The following CCDC15 variants were observed in gnomAD, a reference collection of about 807,000 sequenced individuals.
The protein encoded by CCDC15 is coiled-coil domain containing 15.
Under a neutral mutation model 114.5 loss-of-function variants are expected in CCDC15, and 105 were observed. The ratio of observed to expected loss-of-function variants is 0.92; its 90% CI spans 0.78 to 1.08. The LOEUF (loss-of-function observed/expected upper bound fraction) is 1.08, where lower values mean the gene tolerates loss of function less well. Ranked by LOEUF, CCDC15 falls within the 50% of genes least tolerant of loss-of-function variation. The probability of loss-of-function intolerance (pLI) is 0.00; values close to 1 mark genes in which losing one functional copy is unlikely to be tolerated. For synonymous variants in CCDC15, 334 were observed against 377.8 expected, an observed-to-expected ratio of 0.88 and a Z score of 1.34; for missense variants, 1,105 against 1,093.6, an observed-to-expected ratio of 1.01 and a Z score of -0.15.
Position 124,987,779 on chromosome 11 carries a change from C to T in CCDC15, c.1553C>T (p.Pro518Leu), listed in dbSNP as rs781279286. The change falls in exon 8 of 16, where the codon CCC becomes CTC. Residue 518 changes from proline to leucine, a missense_variant. Coordinates refer to ENST00000344762, the MANE Select transcript of CCDC15 (RefSeq NM_025004.3). ...NFLSRDQHVL[P>L]KDQNILPKYQ... is the part of the protein sequence containing the mutation. ...TTGTCTAGAGACCAGCATGTTCTCC[C>T]CAAAGACCAGAATATTCTACCTAAA... 1.5e-5 allele frequency: 24 copies of T among 1,605,234 alleles called. No individual in the cohort carries two copies. Among genetic ancestry groups the T allele is most frequent in the Middle Eastern group, 1.7e-4 (1 of 6,054 alleles).
In CCDC15 at chr11:124,987,747, G is replaced by T. The variant is rs183310714; in HGVS notation, c.1521G>T (p.Gln507His). Residue 507 changes from glutamine (Q) to histidine (H), a missense_variant, in exon 8 of 16, where the codon CAG (glutamine) becomes CAT (histidine). Coordinates refer to ENST00000344762, the MANE Select transcript of CCDC15 (RefSeq NM_025004.3). ...ACCAGAATTTTCTACCTAAGGACCA[G>T]AATTTTTTGTCTAGAGACCAGCATG... ...YQDQNFLPKD[Q>H]NFLSRDQHVL... is the part of the protein sequence containing the mutation. 1 of 1,613,906 alleles carries T rather than the reference G, an allele frequency of 6.2e-7. No homozygotes were observed. Among genetic ancestry groups the T allele is most frequent in the South Asian group, 1.1e-5 (1 of 91,074 alleles).
chr11:124,997,669 T>C (rs1398029489), intron 11 of CCDC15, among the ~76,000 whole-genome samples: 1 of 152,158 alleles, frequency 6.6e-6, no homozygotes, highest in Non-Finnish European at 1.5e-5. Context: ...CAACTGGGCA[T>C]GGTGGCTCAT....
In CCDC15 at chr11:125,037,920, G is replaced by GTT. The variant is rs201886134; in HGVS notation, c.2412-498_2412-497dup. Among the ~76,000 whole-genome samples, 74 of 115,148 alleles carry GTT rather than the reference G, an allele frequency of 6.4e-4. 1 individual carries two copies. Among genetic ancestry groups the GTT allele is most frequent in the South Asian group, 2.1e-3 (8 of 3,890 alleles). 75.5% of individuals were successfully genotyped at this position (115,148 alleles called of 152,430 possible). A position where few individuals can be genotyped will look rare whatever the true frequency, so the allele number is the denominator to read the frequency against. ...TTTGCTACATTCTTACAGAAAAACT[G>GTT]TTTTTTTTTTTTTTGAGATATGGGG... On this transcript the variant is annotated intron_variant, in intron 13 of 15. Coordinates refer to ENST00000344762, the MANE Select transcript of CCDC15 (RefSeq NM_025004.3).
At chr11:125,025,790 A>G (rs1177145893) in intron 13 of CCDC15, among the ~76,000 whole-genome samples, 2 of 152,052 alleles carry the variant, frequency 1.3e-5, no homozygotes, top group Non-Finnish European at 2.9e-5. Context: ...TGATATATGT[A>G]GAGTCTCTGA....
intron 2 of CCDC15, among the ~76,000 whole-genome samples, chr11:124,957,676 G>A (rs79524534): frequency 3.9e-5 from 6 of 152,286 alleles, no homozygotes; most frequent in East Asian, 1.9e-4. Context: ...ATATCTCTCC[G>A]TTGGAATTAT....
chr11:125,006,015 T>G (rs946457493), intron 13 of CCDC15, among the ~76,000 whole-genome samples: 2 of 152,206 alleles, frequency 1.3e-5, no homozygotes, highest in Admixed American at 6.5e-5. Flanking sequence ...TGAATAAAGC[T>G]ACTTTAAAAT....
At chr11:124,971,051 G>C (rs912849097) in intron 4 of CCDC15, among the ~76,000 whole-genome samples, 10 of 152,150 alleles carry the variant, frequency 6.6e-5, no homozygotes, top group Non-Finnish European at 1.3e-4. Flanking sequence ...GCTAAGGCTA[G>C]GGAGGAAGTT....
In CCDC15 at chr11:124,987,585, C is replaced by T; in HGVS notation, c.1359C>T (p.Asp453=). 1.2e-6 allele frequency: 2 copies of T among 1,614,034 alleles called. No individual in the cohort carries two copies. The part of the protein sequence containing the change: ...KYQDQDFLPR[D]QHVLHKDQDI... ...AGGACCAGGACTTCCTACCCAGAGA[C>T]CAGCATGTTCTCCACAAAGACCAAG... The change falls in exon 8 of 16, where the codon GAC becomes GAT. Residue 453 remains aspartate (D), a synonymous_variant. Coordinates refer to ENST00000344762, the MANE Select transcript of CCDC15 (RefSeq NM_025004.3).
rs767623336 is a variant in CCDC15, at chr11:124,986,902, A to G, written c.900+14A>G. ...AGCAGAGTTCAGGTAAAGCAATAAG[A>G]GAAATTAAATTAATTGTGATTTGGA... On this transcript the variant is annotated intron_variant, in intron 7 of 15. Coordinates refer to ENST00000344762, the MANE Select transcript of CCDC15 (RefSeq NM_025004.3). 7.2e-6 allele frequency: 11 copies of G among 1,529,698 alleles called. No individual in the cohort carries two copies. The highest frequency in any genetic ancestry group is 9.7e-6 in the Non-Finnish European group (11 of 1,139,494). 94.8% of individuals were successfully genotyped at this position (1,529,698 alleles called of 1,614,324 possible). A position where few individuals can be genotyped will look rare whatever the true frequency, so the allele number is the denominator to read the frequency against.
chr11:125,030,947 G>T (rs957002762), intron 13 of CCDC15, among the ~76,000 whole-genome samples: 2 of 152,146 alleles, frequency 1.3e-5, no homozygotes, highest in Admixed American at 1.3e-4. Context: ...ATCTTCACAG[G>T]TTTTTACCCC....
Position 125,038,558 on chromosome 11 carries a change from A to G in CCDC15, c.2539A>G (p.Ile847Val), listed in dbSNP as rs1014192911. ...ATTAGCCCAGTTACAACTTCAAGAA[A>G]TAAAAGGAACCAGAGAAAAACAACA... ...EILAQLQLQE[I>V]KGTREKQQRE... is the part of the protein sequence containing the mutation. Residue 847 changes from isoleucine to valine, a missense_variant, in exon 14 of 16, where the codon ATA (isoleucine) becomes GTA (valine). Coordinates refer to ENST00000344762, the MANE Select transcript of CCDC15 (RefSeq NM_025004.3). 4.4e-6 allele frequency: 7 copies of G among 1,580,182 alleles called. No individual in the cohort carries two copies. Among genetic ancestry groups the G allele is most frequent in the African/African-American group, 4.1e-5 (3 of 73,560 alleles).
intron 4 of CCDC15, among the ~76,000 whole-genome samples, chr11:124,971,680 T>A (rs1947883945): frequency 6.6e-6 from 1 of 152,202 alleles, no homozygotes; most frequent in Non-Finnish European, 1.5e-5. Context: ...AGTATATATG[T>A]ACATAGTTTG....
chr11:124,969,767 A>G (rs939431539), intron 4 of CCDC15, among the ~76,000 whole-genome samples: 11 of 152,210 alleles, frequency 7.2e-5, no homozygotes, highest in Middle Eastern at 3.2e-3. Context: ...GGGAAAGTTT[A>G]TTTGAAGAAT....
intron 11 of CCDC15, among the ~76,000 whole-genome samples, chr11:124,997,219 C>T (rs1454312019): frequency 1.3e-5 from 2 of 152,096 alleles, no homozygotes; most frequent in Non-Finnish European, 2.9e-5. Flanking sequence ...GTGGAAATGG[C>T]TAAAAAAATG....
At chr11:125,011,122 A>G (rs905613370) in intron 13 of CCDC15, among the ~76,000 whole-genome samples, 2 of 150,038 alleles carry the variant, frequency 1.3e-5, no homozygotes, top group Non-Finnish European at 3.0e-5. Flanking sequence ...CATCTTAATG[A>G]AAAAAAAATA....
intron 13 of CCDC15, among the ~76,000 whole-genome samples, chr11:125,011,806 T>C (rs374882708): frequency 1.3e-5 from 2 of 152,234 alleles, no homozygotes; most frequent in African/African-American, 2.4e-5. Context: ...TATATTCTAT[T>C]GTCCTACCTT....
At chr11:124,964,668 T>C (rs145090185) in intron 4 of CCDC15, among the ~76,000 whole-genome samples, 28,618 of 152,172 alleles carry the variant, frequency 0.19, 3,079 homozygotes, top group African/African-American at 0.28. Context: ...TCAGAACTTC[T>C]AACACTGTGT....
chr11:125,029,932 T>A (rs1304617557), intron 13 of CCDC15, among the ~76,000 whole-genome samples: 1 of 152,246 alleles, frequency 6.6e-6, no homozygotes, highest in Non-Finnish European at 1.5e-5. Flanking sequence ...GTTGAAAGTC[T>A]GGGTTGGTCA....
rs1298205265 is a variant in CCDC15, at chr11:124,991,590, T to C, written c.2031+7T>C. 3 of 1,593,542 alleles carry C rather than the reference T, an allele frequency of 1.9e-6. No individual in the cohort carries two copies. Among genetic ancestry groups the C allele is most frequent in the Non-Finnish European group, 2.6e-6 (3 of 1,170,194 alleles). ...GGATGACATCAAAAATCAGGTAGAGTAGAAGAAAAAGATATAAACAGGAAG... is the reference window on the plus strand; with the variant it reads ...GGATGACATCAAAAATCAGGTAGAGCAGAAGAAAAAGATATAAACAGGAAG... On this transcript the variant is annotated splice_region_variant and intron_variant, in intron 9 of 15. Coordinates refer to ENST00000344762, the MANE Select transcript of CCDC15 (RefSeq NM_025004.3).
Sources: gnomAD v4.1 joint callset for allele counts (sites outside exome capture counted in the v4.1 genomes callset) on GRCh38, gnomAD v4.1.1 for gene constraint, MANE v1.5 for transcripts, NCBI Gene and HGNC (gene_info 2026-07-23, HGNC 2026-07-21) for gene names.